PRKAG2: variants seen among roughly 807,000 people sequenced by gnomAD.
PRKAG2 encodes the protein protein kinase AMP-activated non-catalytic subunit gamma 2, also known as 5'-AMP-activated protein kinase subunit gamma-2.
In PRKAG2, 26 loss-of-function variants were observed where a neutral mutation model predicts 69.6. That is an observed-to-expected ratio of 0.37 (90% CI 0.27 to 0.52). PRKAG2 has a LOEUF of 0.52. Among genes scored for constraint, PRKAG2 ranks in the 20% least tolerant of loss-of-function variants. The probability of loss-of-function intolerance (pLI) is 0.90; values close to 1 mark genes in which losing one functional copy is unlikely to be tolerated. For synonymous variants in PRKAG2, 293 were observed against 285.0 expected (o/e 1.03, Z -0.28); for missense variants, 557 against 740.0 (o/e 0.75, Z 2.87).
At chr7:151,817,224 A>T (rs1263538904) in intron 1 of PRKAG2, among the ~76,000 whole-genome samples, 1 of 152,184 alleles carries the variant, frequency 6.6e-6, no homozygotes, top group Non-Finnish European at 1.5e-5. Context: ...CTAGTAGATC[A>T]CAGATACTTA....
chr7:151,697,659 C>T (rs976311577), intron 3 of PRKAG2, among the ~76,000 whole-genome samples: 1 of 152,060 alleles, frequency 6.6e-6, no homozygotes, highest in African/African-American at 2.4e-5. Flanking sequence ...AACCCCTTAG[C>T]TGTGGGGGGC....
intron 5 of PRKAG2, among the ~76,000 whole-genome samples, chr7:151,611,199 AAGG>A (rs774788482): frequency 2.6e-5 from 4 of 152,210 alleles, no homozygotes; most frequent in Non-Finnish European, 4.4e-5. Context: ...TCAGAATGCC[AAGG>A]AGGACTTCCC....
At chr7:151,829,403 T>C (rs1250083619) in intron 1 of PRKAG2, among the ~76,000 whole-genome samples, 1 of 152,174 alleles carries the variant, frequency 6.6e-6, no homozygotes, top group Non-Finnish European at 1.5e-5. Flanking sequence ...GCAATCCTCA[T>C]ATTGCTGGGA....
chr7:151,800,847 C>T (rs1219020896), intron 1 of PRKAG2, among the ~76,000 whole-genome samples: 1 of 152,116 alleles, frequency 6.6e-6, no homozygotes, highest in African/African-American at 2.4e-5. Flanking sequence ...CTTCGGTTAA[C>T]AATAAGGTAT....
chr7:151,594,353 C>T (rs1334060020), intron 6 of PRKAG2, among the ~76,000 whole-genome samples: 1 of 152,204 alleles, frequency 6.6e-6, no homozygotes, highest in Non-Finnish European at 1.5e-5. Flanking sequence ...AAACAATACA[C>T]TAAATGTATA....
rs1160056192 is a variant in PRKAG2, at chr7:151,788,970, T to A, written c.115-2429A>T. 6.6e-6 allele frequency among the ~76,000 whole-genome samples: 1 copy of A among 152,240 alleles called. No individual in the cohort carries two copies. Among genetic ancestry groups the A allele is most frequent in the Non-Finnish European group, 1.5e-5 (1 of 68,048 alleles). Reference sequence around the variant, plus strand: ...GTCATTTGACTTTATCTCTGAGAGTTTATTTCTGGGCTCTCCATTCCATTC... The same window carrying A: ...GTCATTTGACTTTATCTCTGAGAGTATATTTCTGGGCTCTCCATTCCATTC... On this transcript the variant is annotated intron_variant, in intron 1 of 15. Coordinates refer to ENST00000287878, the MANE Select transcript of PRKAG2 (RefSeq NM_016203.4). The surrounding 1 kb of genome is among the most constrained non-coding windows in gnomAD (Gnocchi z 4.6).
chr7:151,609,940 A>G (rs1313845340), intron 5 of PRKAG2, among the ~76,000 whole-genome samples: 1 of 152,222 alleles, frequency 6.6e-6, no homozygotes, highest in Non-Finnish European at 1.5e-5. Flanking sequence ...CTCTCCTGCC[A>G]TGAGCAGCAC....
chr7:151,754,616 C>G (rs2074942870), intron 3 of PRKAG2, among the ~76,000 whole-genome samples: 1 of 152,196 alleles, frequency 6.6e-6, no homozygotes, highest in East Asian at 1.9e-4. Flanking sequence ...CATCTGGGGA[C>G]AGACCCAGGG....
chr7:151,780,503 G>A lies in PRKAG2; in HGVS notation c.466+649C>T, dbSNP rs542296283. Among the ~76,000 whole-genome samples the A allele has an allele frequency of 9.8e-5, 15 of 152,326 alleles. No homozygotes were observed. Among genetic ancestry groups the A allele is most frequent in the South Asian group, 6.2e-4 (3 of 4,832 alleles). Reference sequence around the variant, plus strand: ...GTAAACGCCATAAACTTTCTAGTTCGTGGTATATTTCATATTATCATCGAC... The same window carrying A: ...GTAAACGCCATAAACTTTCTAGTTCATGGTATATTTCATATTATCATCGAC... On this transcript the variant is annotated intron_variant, in intron 3 of 15. Transcript: ENST00000287878. The surrounding 1 kb of genome is among the most constrained non-coding windows in gnomAD (Gnocchi z 4.2).
At chr7:151,812,524 G>A (rs1308418615) in intron 1 of PRKAG2, among the ~76,000 whole-genome samples, 4 of 152,250 alleles carry the variant, frequency 2.6e-5, no homozygotes, top group Non-Finnish European at 5.9e-5. Context: ...ACTATGAAGT[G>A]AGGAGGTCAA....
chr7:151,619,652 C>T (rs780035324), intron 5 of PRKAG2, among the ~76,000 whole-genome samples: 9 of 152,204 alleles, frequency 5.9e-5, no homozygotes, highest in East Asian at 3.9e-4. Flanking sequence ...ACATGAATTT[C>T]GTGTTTAAAA....
chr7:151,668,228 A>G (rs1381357167), intron 4 of PRKAG2, among the ~76,000 whole-genome samples: 2 of 152,224 alleles, frequency 1.3e-5, no homozygotes, highest in African/African-American at 2.4e-5. Flanking sequence ...CTCTTTGCAC[A>G]TGTCTGCTCC....
chr7:151,647,381 G>A (rs1827748199), intron 4 of PRKAG2, among the ~76,000 whole-genome samples: 2 of 152,220 alleles, frequency 1.3e-5, no homozygotes, highest in South Asian at 4.1e-4. Flanking sequence ...CCGGCCCTCA[G>A]AAGGTTATAT....
intron 3 of PRKAG2, among the ~76,000 whole-genome samples, chr7:151,693,829 T>C (rs1036918505): frequency 2.0e-5 from 3 of 152,240 alleles, no homozygotes; most frequent in Non-Finnish European, 2.9e-5. Context: ...TACCAGCACC[T>C]TGGTCTTGGA....
At chr7:151,854,553 C>A (rs1227595156) in intron 1 of PRKAG2, among the ~76,000 whole-genome samples, 1 of 152,258 alleles carries the variant, frequency 6.6e-6, no homozygotes, top group Non-Finnish European at 1.5e-5. Context: ...AAGGGCCAGG[C>A]AGCGGGAATC....
intron 14 of PRKAG2, among the ~76,000 whole-genome samples, chr7:151,562,320 G>A (rs1159742014): frequency 6.6e-6 from 1 of 151,072 alleles, no homozygotes; most frequent in African/African-American, 2.4e-5. Context: ...CTGCGCCCTG[G>A]GAGACCCTCT....
At chr7:151,560,320 G>A (rs763533150) in intron 15 of PRKAG2, 30 of 1,480,042 alleles carry the variant, frequency 2.0e-5, no homozygotes, top group East Asian at 2.7e-5. Flanking sequence ...TCTTAACTTC[G>A]AATACGTTCT....
At chr7:151,737,987 C>A (rs7781526) in intron 3 of PRKAG2, among the ~76,000 whole-genome samples, 12,542 of 31,554 alleles carry the variant, frequency 0.4, 2,827 homozygotes, top group East Asian at 0.71. Context: ...TCTGCCACTC[C>A]CACGGGGCCT....
chr7:151,742,912 T>G (rs1305553385), intron 3 of PRKAG2, among the ~76,000 whole-genome samples: 1 of 152,184 alleles, frequency 6.6e-6, no homozygotes. Context: ...CGATTAGAGA[T>G]GAACGCTGAT....
Sources: gnomAD v4.1 joint callset for allele counts (sites outside exome capture counted in the v4.1 genomes callset) on GRCh38, gnomAD v4.1.1 for gene constraint, Gnocchi (gnomAD v3.1) non-coding constraint, MANE v1.5 for transcripts, NCBI Gene and HGNC (gene_info 2026-07-23, HGNC 2026-07-21) for gene names.